ZNF385D: variants seen among roughly 807,000 people sequenced by gnomAD.
ZNF385D encodes the protein zinc finger protein 659.
In ZNF385D, 15 loss-of-function variants were observed where a neutral mutation model predicts 35.8. The observed-to-expected ratio is 0.42, with a 90% confidence interval of 0.28 to 0.64. ZNF385D has a LOEUF of 0.64. Ranked by LOEUF, ZNF385D falls within the 30% of genes least tolerant of loss-of-function variation. The pLI is 0.23. For synonymous variants in ZNF385D, 212 were observed against 186.8 expected, an observed-to-expected ratio of 1.13 and a Z score of -1.10; for missense variants, 474 against 494.6, an observed-to-expected ratio of 0.96 and a Z score of 0.39.
chr3:21,681,914 T>A (rs982426058), intron 1 of ZNF385D, among the ~76,000 whole-genome samples: 1 of 151,986 alleles, frequency 6.6e-6, no homozygotes, highest in South Asian at 2.1e-4. Context: ...AAAATGAAAG[T>A]TGGATACCTG....
intron 2 of ZNF385D, among the ~76,000 whole-genome samples, chr3:21,612,993 CTTTTTT>C (rs11336822): frequency 7.3e-6 from 1 of 137,258 alleles, no homozygotes; most frequent in African/African-American, 2.7e-5. Flanking sequence ...TTTCTTTTTT[CTTTTTT>C]TTTTTTTTTC....
intron 2 of ZNF385D, among the ~76,000 whole-genome samples, chr3:21,612,059 G>T (rs1244439208): frequency 6.6e-6 from 1 of 151,900 alleles, no homozygotes; most frequent in Non-Finnish European, 1.5e-5. Context: ...TAATCTTCAG[G>T]AAATTCTGTG....
chr3:22,236,720 T>C (rs1195404052), intron 2 of ZNF385D, among the ~76,000 whole-genome samples: 1 of 152,152 alleles, frequency 6.6e-6, no homozygotes, highest in African/African-American at 2.4e-5. Context: ...TCTATTCCTA[T>C]GTCTAGCCCC....
intron 2 of ZNF385D, among the ~76,000 whole-genome samples, chr3:22,286,919 G>A (rs571379225): frequency 6.6e-6 from 1 of 152,170 alleles, no homozygotes; most frequent in East Asian, 1.9e-4. Flanking sequence ...TCCAAGTTCA[G>A]TGTTTCTGTA....
chr3:21,666,971 G>A (rs760551998), intron 1 of ZNF385D, among the ~76,000 whole-genome samples: 2 of 151,970 alleles, frequency 1.3e-5, no homozygotes, highest in Non-Finnish European at 1.5e-5. Flanking sequence ...CAGCTACTTG[G>A]GAGGCTGAGG....
chr3:21,944,976 C>A (rs1613403), intron 3 of ZNF385D, among the ~76,000 whole-genome samples: 9 of 152,080 alleles, frequency 5.9e-5, no homozygotes, highest in Admixed American at 1.3e-4. Flanking sequence ...TTACAAATTC[C>A]CTATCAATAT....
At chr3:22,322,971 C>G (rs1575117697) in intron 2 of ZNF385D, among the ~76,000 whole-genome samples, 1 of 152,218 alleles carries the variant, frequency 6.6e-6, no homozygotes, top group African/African-American at 2.4e-5. Flanking sequence ...TTTTATTGTT[C>G]TGTTTTGTCT....
intron 3 of ZNF385D, among the ~76,000 whole-genome samples, chr3:22,092,620 G>C (rs972984494): frequency 2.6e-5 from 4 of 152,140 alleles, no homozygotes; most frequent in African/African-American, 7.2e-5. Context: ...CTTCTATTAT[G>C]TATCAATTCA....
At chr3:22,289,878 A>C (rs895967900) in intron 2 of ZNF385D, among the ~76,000 whole-genome samples, 1 of 152,146 alleles carries the variant, frequency 6.6e-6, no homozygotes, top group Admixed American at 6.6e-5. Context: ...CTGGAGGTCT[A>C]TAGTATGTCA....
chr3:21,592,097 TTAAG>T (rs1444283379), intron 2 of ZNF385D, among the ~76,000 whole-genome samples: 3 of 152,300 alleles, frequency 2.0e-5, no homozygotes, highest in East Asian at 1.9e-4. Context: ...GCTGTGGCGA[TTAAG>T]TGAGATTATA....
intron 2 of ZNF385D, among the ~76,000 whole-genome samples, chr3:22,364,484 G>T (rs564569062): frequency 3.3e-5 from 5 of 151,880 alleles, no homozygotes. Context: ...AATGGCTAAC[G>T]AGCACATGAA....
rs1553656653 is a variant in ZNF385D, at chr3:21,765,217, T to TGTGA, written c.326-100190_326-100189insTCAC. Among the ~76,000 whole-genome samples the TGTGA allele has an allele frequency of 3.4e-3, 506 of 149,568 alleles. 3 individuals are homozygous for TGTGA. The highest frequency in any genetic ancestry group is 0.012 in the African/African-American group (492 of 40,748). ...TACACATAAAATCTGTGTGTGTGTG[T>TGTGA]GAGAGAGAGAGAGAGAGAGAGCATT... is the stretch of plus-strand genomic sequence containing the variant. On this transcript the variant is annotated intron_variant, in intron 3 of 5. Transcript: ENST00000494108.
intron 3 of ZNF385D, among the ~76,000 whole-genome samples, chr3:21,898,657 AC>A (rs1327706455): frequency 6.6e-6 from 1 of 152,162 alleles, no homozygotes; most frequent in Non-Finnish European, 1.5e-5. Context: ...ACACAAGCCA[AC>A]TAAAGATTAC....
chr3:22,121,888 T>C (rs966788273), intron 3 of ZNF385D, among the ~76,000 whole-genome samples: 2 of 152,118 alleles, frequency 1.3e-5, no homozygotes, highest in African/African-American at 4.8e-5. Flanking sequence ...TCTAACTGTA[T>C]GTTAGTATCT....
At chr3:21,616,380 A>G in intron 2 of ZNF385D, among the ~76,000 whole-genome samples, 1 of 152,200 alleles carries the variant, frequency 6.6e-6, no homozygotes, top group East Asian at 1.9e-4. Context: ...ACTCACTGAT[A>G]GTGCTAAATT....
intron 4 of ZNF385D, among the ~76,000 whole-genome samples, chr3:21,488,440 A>G (rs1705184173): frequency 6.6e-6 from 1 of 152,024 alleles, no homozygotes; most frequent in Non-Finnish European, 1.5e-5. Context: ...TGACTTTCAT[A>G]ATGCTAATGT....
At chr3:21,781,639 G>A (rs755145134) in intron 3 of ZNF385D, among the ~76,000 whole-genome samples, 3 of 152,042 alleles carry the variant, frequency 2.0e-5, no homozygotes, top group Non-Finnish European at 4.4e-5. Context: ...CAAAGAATGA[G>A]TAAGATTCCT....
intron 3 of ZNF385D, among the ~76,000 whole-genome samples, chr3:22,099,072 T>A (rs1050040557): frequency 1.3e-5 from 2 of 152,084 alleles, no homozygotes; most frequent in African/African-American, 4.8e-5. Context: ...AATCTACTTG[T>A]TCAAAGTTAG....
In ZNF385D at chr3:22,032,972, C is replaced by CA. The variant is rs145810959; in HGVS notation, c.325+135844dup. Reference sequence around the variant, plus strand: ...AGTAGCATGAAAGTTTGATCTGCATCATTCCGTTATAAAACTCTTGCTCTT... The same window carrying CA: ...AGTAGCATGAAAGTTTGATCTGCATCAATTCCGTTATAAAACTCTTGCTCTT... On this transcript the variant is annotated intron_variant, in intron 3 of 5. Transcript: ENST00000494108. 3.4e-3 allele frequency among the ~76,000 whole-genome samples: 512 copies of CA among 152,254 alleles called. 3 individuals carry two copies. The highest frequency in any genetic ancestry group is 6.2e-3 in the South Asian group (30 of 4,814).
Sources: allele counts gnomAD v4.1 joint callset (sites outside exome capture counted in the v4.1 genomes callset), GRCh38; gene constraint gnomAD v4.1.1; transcripts MANE v1.5; gene names NCBI Gene and HGNC (gene_info 2026-07-23, HGNC 2026-07-21).